Variants in PAN3 observed in about 807,000 individuals in gnomAD.
PAN3 encodes the protein poly(A) specific ribonuclease subunit PAN3.
PAN3 carries 19 observed loss-of-function variants against 96.2 expected under a neutral mutation model. The ratio of observed to expected loss-of-function variants is 0.20; its 90% CI spans 0.14 to 0.29. PAN3 has a LOEUF of 0.29. PAN3 is among the 10% of genes least tolerant of loss of function. The pLI, the probability that PAN3 is intolerant of heterozygous loss-of-function variation, is 1.00. For synonymous variants in PAN3, 433 were observed against 406.6 expected, an observed-to-expected ratio of 1.06 and a Z score of -0.78; for missense variants, 882 against 1,108.1, an observed-to-expected ratio of 0.80 and a Z score of 2.90.
chr13:28,146,163 A>G (rs1870601040), intron 1 of PAN3, among the ~76,000 whole-genome samples: 1 of 152,040 alleles, frequency 6.6e-6, no homozygotes, highest in Non-Finnish European at 1.5e-5. Context: ...CTTATTGTCC[A>G]GGGTTAATCA....
At chr13:28,218,616 T>G (rs1001564576) in intron 5 of PAN3, among the ~76,000 whole-genome samples, 1 of 152,210 alleles carries the variant, frequency 6.6e-6, no homozygotes, top group African/African-American at 2.4e-5. Context: ...TAATTTGTTA[T>G]GAAAGGTAGA....
At chr13:28,249,696 C>T (rs1884537240) in intron 6 of PAN3, among the ~76,000 whole-genome samples, 4 of 152,274 alleles carry the variant, frequency 2.6e-5, no homozygotes, top group Middle Eastern at 6.8e-3. Context: ...GGGATCTACC[C>T]GTCTCAGCCT....
chr13:28,144,360 G>A (rs1450519586), intron 1 of PAN3, among the ~76,000 whole-genome samples: 4 of 151,728 alleles, frequency 2.6e-5, no homozygotes, highest in South Asian at 2.1e-4. Context: ...GACTACAGGC[G>A]CCCGCCACCA....
At chr13:28,197,041 G>T in intron 4 of PAN3, 144 bp from the exon 5 acceptor site, 1 of 942,872 alleles carries the variant, frequency 1.1e-6, no homozygotes, top group East Asian at 2.8e-5. Context: ...GGTGGTGGGT[G>T]GTGGTAAGGA....
At chr13:28,272,681 T>C (rs1886731457) in intron 14 of PAN3, among the ~76,000 whole-genome samples, 1 of 151,812 alleles carries the variant, frequency 6.6e-6, no homozygotes, top group Non-Finnish European at 1.5e-5. Context: ...GCGATTCTCC[T>C]GCCTCAGCCT....
chr13:28,252,096 C>T (rs960592776), intron 6 of PAN3, among the ~76,000 whole-genome samples: 9 of 151,586 alleles, frequency 5.9e-5, no homozygotes, highest in African/African-American at 1.9e-4. Flanking sequence ...CTGTGTTGGC[C>T]AGGCTGGTTT....
intron 1 of PAN3, among the ~76,000 whole-genome samples, chr13:28,165,629 T>A (rs965352180): frequency 1.3e-5 from 2 of 152,208 alleles, no homozygotes; most frequent in Admixed American, 1.3e-4. Context: ...TTCAATTTCT[T>A]ATTATTCTAT....
chr13:28,264,186 C>A (rs1885968019), intron 9 of PAN3, among the ~76,000 whole-genome samples: 1 of 152,048 alleles, frequency 6.6e-6, no homozygotes, highest in African/African-American at 2.4e-5. Flanking sequence ...ATTATTTATA[C>A]TTTTAAGTAT....
Position 28,279,941 on chromosome 13 carries a change from A to C in PAN3, c.2190-471A>C, listed in dbSNP as rs180899184. 3.4e-4 allele frequency among the ~76,000 whole-genome samples: 52 copies of C among 151,758 alleles called. No individual in the cohort carries two copies. In the East Asian group the frequency reaches 8.9e-3, roughly 26 times the overall value. ...CAGCCTCCTGAGTAGCTGGGACTAC[A>C]GGTGCCCGCCACCATGCCCAGCTAA... On this transcript the variant is annotated intron_variant, in intron 15 of 18. Transcript: ENST00000380958.
chr13:28,142,697 T>C (rs1228203022), intron 1 of PAN3, among the ~76,000 whole-genome samples: 1 of 152,102 alleles, frequency 6.6e-6, no homozygotes, highest in Non-Finnish European at 1.5e-5. Context: ...TGTTTTTAAT[T>C]TCTATGTTTG....
chr13:28,140,266 G>C (rs1043777982), intron 1 of PAN3, among the ~76,000 whole-genome samples: 2 of 152,154 alleles, frequency 1.3e-5, no homozygotes, highest in Non-Finnish European at 2.9e-5. Flanking sequence ...GTTTACAATT[G>C]AATGTGAGCG....
intron 5 of PAN3, chr13:28,216,009 TAAC>T: frequency 1.5e-6 from 1 of 645,996 alleles, no homozygotes; most frequent in East Asian, 2.6e-5. Context: ...TGGTTAAAGA[TAAC>T]AATGCATCTT....
chr13:28,278,698 C>A (rs1887238819), intron 15 of PAN3, among the ~76,000 whole-genome samples: 1 of 151,868 alleles, frequency 6.6e-6, no homozygotes, highest in Middle Eastern at 3.2e-3. Context: ...TTAATTCTCC[C>A]AATAACTCTA....
rs531967843 is a variant in PAN3 at position 28,289,334 on chromosome 13, G to A, written c.2523+1212G>A. On this transcript the variant is annotated intron_variant, in intron 18 of 18. Coordinates refer to ENST00000380958, the MANE Select transcript of PAN3 (RefSeq NM_175854.8). ...CTGTCACCCAGGCTATAGTGCAGTCGCACTTATGGCTCACTGCAGCCTTGA... is the reference window on the plus strand; with the variant it reads ...CTGTCACCCAGGCTATAGTGCAGTCACACTTATGGCTCACTGCAGCCTTGA... Among the ~76,000 whole-genome samples the A allele has an allele frequency of 9.2e-5, 14 of 152,126 alleles. No individual in the cohort carries two copies. The South Asian group carries it at 2.3e-3, about 25-fold the overall frequency.
chr13:28,272,835 C>CTGGG (rs1421941884), intron 14 of PAN3, among the ~76,000 whole-genome samples: 3 of 152,140 alleles, frequency 2.0e-5, no homozygotes, highest in Non-Finnish European at 4.4e-5. Context: ...TCCCAAAGTG[C>CTGGG]TGGGATTACA....
intron 6 of PAN3, among the ~76,000 whole-genome samples, chr13:28,239,283 T>C (rs986249800): frequency 3.9e-5 from 6 of 151,962 alleles, no homozygotes; most frequent in South Asian, 2.1e-4. Flanking sequence ...TTGGCCCTTA[T>C]AATACTTTCC....
rs114795612 is a variant in PAN3, at chr13:28,154,329, C to G, written c.430+15242C>G. ...CTCCAGTGAAACAGTGGGATCTCAG[C>G]TGGGTACCTGTCGTTAAGCCACTTG... is the stretch of plus-strand genomic sequence containing the variant. On this transcript the variant is annotated intron_variant, in intron 1 of 18. Coordinates refer to ENST00000380958, the MANE Select transcript of PAN3 (RefSeq NM_175854.8). 6.9e-3 allele frequency among the ~76,000 whole-genome samples: 1,044 copies of G among 152,112 alleles called. 11 individuals are homozygous for G. The highest frequency in any genetic ancestry group is 0.024 in the African/African-American group (1,008 of 41,512).
At position 28,174,753 on chromosome 13, in the gene PAN3, C is replaced by G. The variant is rs1043873069; in HGVS notation, c.552+360C>G. 3.9e-5 allele frequency among the ~76,000 whole-genome samples: 6 copies of G among 152,246 alleles called. No homozygotes were observed. The South Asian group carries it at 1.2e-3, about 32-fold the overall frequency. ...TAAAAGTTAAGTTACAAAAGGGCCT[C>G]CCTCTCGTCACTACTCATCACTTTT... On this transcript the variant is annotated intron_variant, in intron 2 of 18. Transcript: ENST00000380958.
intron 5 of PAN3, among the ~76,000 whole-genome samples, chr13:28,207,224 T>C (rs1362809721): frequency 1.3e-5 from 2 of 152,234 alleles, no homozygotes; most frequent in East Asian, 3.8e-4. Context: ...TGAGCTCTTT[T>C]TGACCCCTCA....
Sources: gnomAD v4.1 joint callset for allele counts (sites outside exome capture counted in the v4.1 genomes callset) on GRCh38, gnomAD v4.1.1 for gene constraint, MANE v1.5 for transcripts, NCBI Gene and HGNC (gene_info 2026-07-23, HGNC 2026-07-21) for gene names.